CYFIP1: variants seen among roughly 807,000 people sequenced by gnomAD.
The protein encoded by CYFIP1 is cytoplasmic FMR1 interacting protein 1, also known as cytoplasmic FMR1-interacting protein 1.
A neutral mutation model predicts 163.5 loss-of-function variants in CYFIP1; 58 were observed. That is an observed-to-expected ratio of 0.35 (90% confidence interval 0.29 to 0.44). The LOEUF (loss-of-function observed/expected upper bound fraction) is 0.44. Ranked by LOEUF, CYFIP1 falls within the 20% of genes least tolerant of loss-of-function variation. CYFIP1 has a pLI of 1.00. For missense variants in CYFIP1, 1,338 were observed against 1,653.8 expected (o/e 0.81, Z 3.31); for synonymous variants, 663 against 660.7 (o/e 1.00, Z -0.05).
chr15:22,935,736 G>A (rs1356345545), intron 9 of CYFIP1, among the ~76,000 whole-genome samples: 1 of 152,126 alleles, frequency 6.6e-6, no homozygotes, highest in East Asian at 1.9e-4. Context: ...TAATAACAAT[G>A]CATTGAATGC....
chr15:22,970,350 T>C (rs2063050505), intron 1 of CYFIP1, among the ~76,000 whole-genome samples: 2 of 152,182 alleles, frequency 1.3e-5, no homozygotes, highest in African/African-American at 4.8e-5. Context: ...CATAATATTG[T>C]TAAGATGACA....
chr15:22,944,238 C>CAAAA (rs34662161), intron 5 of CYFIP1, among the ~76,000 whole-genome samples: 6 of 94,976 alleles, frequency 6.3e-5, no homozygotes, highest in African/African-American at 1.7e-4. Flanking sequence ...GACTCTGTCT[C>CAAAA]AAAAAAAAAA....
intron 17 of CYFIP1, 168 bp from the exon 18 acceptor site, chr15:22,912,443 C>G (rs2060819973): frequency 1.9e-6 from 1 of 533,466 alleles, no homozygotes; most frequent in Non-Finnish European, 3.2e-6. Flanking sequence ...GTGGCTGCGC[C>G]TGAGGCGGCC....
chr15:22,879,016 G>A (rs2059668821), intron 26 of CYFIP1, among the ~76,000 whole-genome samples: 1 of 151,852 alleles, frequency 6.6e-6, no homozygotes, highest in Non-Finnish European at 1.5e-5. Flanking sequence ...GGCGCCTGTA[G>A]TCCCAGCTAC....
chr15:22,933,720 G>C (rs961385573), intron 10 of CYFIP1, 82 bp downstream of exon 10: 2 of 1,004,592 alleles, frequency 2.0e-6, no homozygotes, highest in Non-Finnish European at 3.1e-6. Flanking sequence ...GTTATCTCTA[G>C]ACAAATAAGC....
At chr15:22,943,451 A>G in intron 5 of CYFIP1, 97 bp from the exon 6 acceptor site, 1 of 1,331,462 alleles carries the variant, frequency 7.5e-7, no homozygotes, top group South Asian at 1.4e-5. Context: ...CTCCTCGATG[A>G]GAAACGATCT....
intron 17 of CYFIP1, among the ~76,000 whole-genome samples, chr15:22,913,179 G>C (rs1239928863): frequency 6.6e-6 from 1 of 151,382 alleles, no homozygotes; most frequent in African/African-American, 2.4e-5. Flanking sequence ...CTGGGCAATA[G>C]AGCAAGACCT....
At chr15:22,876,732 G>C (rs2059595632) in intron 26 of CYFIP1, among the ~76,000 whole-genome samples, 1 of 152,012 alleles carries the variant, frequency 6.6e-6, no homozygotes, top group Non-Finnish European at 1.5e-5. Context: ...TCGGGAGACT[G>C]AGGCAGGAGA....
intron 11 of CYFIP1, among the ~76,000 whole-genome samples, chr15:22,929,036 T>A (rs986355664): frequency 6.6e-6 from 1 of 151,568 alleles, no homozygotes; most frequent in Non-Finnish European, 1.5e-5. Context: ...CTGGCCAACA[T>A]AGTGAAACCC....
intron 26 of CYFIP1, among the ~76,000 whole-genome samples, chr15:22,878,738 A>G (rs2059659141): frequency 6.6e-6 from 1 of 152,006 alleles, no homozygotes; most frequent in African/African-American, 2.4e-5. Context: ...AGAGCATTTT[A>G]TCAAAAATCA....
intron 1 of CYFIP1, among the ~76,000 whole-genome samples, chr15:22,951,125 C>A (rs1462807741): frequency 6.6e-6 from 1 of 152,082 alleles, no homozygotes; most frequent in Non-Finnish European, 1.5e-5. Flanking sequence ...AATTGCAGGC[C>A]AATCCCCAAT....
At position 22,973,702 on chromosome 15, in the gene CYFIP1, T is replaced by C. The variant is rs557152208; in HGVS notation, c.-7+6585A>G. Among the ~76,000 whole-genome samples the C allele has an allele frequency of 4.9e-4, 74 of 152,024 alleles. 1 individual carries two copies. The highest frequency in any genetic ancestry group is 1.8e-3 in the African/African-American group (73 of 41,452). On this transcript the variant is annotated intron_variant, in intron 1 of 30. Transcript: ENST00000617928. ...AAAGCAAAGGCCACAAAAGAAAAAA[T>C]AGACAAATGGGATTACATCAAACTA...
intron 1 of CYFIP1, among the ~76,000 whole-genome samples, chr15:22,957,285 G>A (rs572990951): frequency 3.9e-5 from 6 of 152,320 alleles, no homozygotes; most frequent in African/African-American, 1.4e-4. Flanking sequence ...GGCGGATCAC[G>A]AGGTCAGGAG....
At chr15:22,880,586 G>A (rs1313885870) in intron 25 of CYFIP1, among the ~76,000 whole-genome samples, 1 of 152,172 alleles carries the variant, frequency 6.6e-6, no homozygotes, top group African/African-American at 2.4e-5. Flanking sequence ...TGGGACAGAA[G>A]GCCAACGTTT....
rs116563280 is a variant in CYFIP1 at position 22,932,596 on chromosome 15, A to G, written c.993-256T>C. On this transcript the variant is annotated intron_variant, in intron 10 of 30. Coordinates refer to ENST00000617928, the MANE Select transcript of CYFIP1 (RefSeq NM_014608.6). Reference sequence around the variant, plus strand: ...GACTGAGATGCAACTTCGTTTGTCAAAATCATGGCTGAATGGTGACTGCAG... The same window carrying G: ...GACTGAGATGCAACTTCGTTTGTCAGAATCATGGCTGAATGGTGACTGCAG... 8.1e-4 allele frequency among the ~76,000 whole-genome samples: 123 copies of G among 152,300 alleles called. No homozygotes were observed. The Middle Eastern group carries it at 0.02, about 25-fold the overall frequency.
rs780344487 is a variant in CYFIP1 at position 22,903,655 on chromosome 15, T to C, written c.2588+51A>G. The C allele has an allele frequency of 1.1e-4, 179 of 1,589,556 alleles. 2 individuals carry two copies. Among genetic ancestry groups the C allele is most frequent in the South Asian group, 3.3e-5 (3 of 90,596 alleles). ...GACATGGAGGAAGCCTGCGGGGACA[T>C]GGGTCCCTGAGCGCCTCGCCTGTGG... On this transcript the variant is annotated intron_variant, in intron 22 of 30. Transcript: ENST00000617928.
intron 23 of CYFIP1, 74 bp from the exon 24 acceptor site, chr15:22,883,085 CA>C (rs1279468592): frequency 6.5e-7 from 1 of 1,533,764 alleles, no homozygotes; most frequent in Non-Finnish European, 8.9e-7. Flanking sequence ...GTGAGAAGAT[CA>C]CTCAACACAC....
In CYFIP1 at chr15:22,980,307, G is replaced by T. The variant is rs1418871279; in HGVS notation, c.-27C>A. 8 of 151,908 alleles carry T rather than the reference G, an allele frequency of 5.3e-5. No homozygotes were observed. Among genetic ancestry groups the T allele is most frequent in the Admixed American group, 2.0e-4 (3 of 15,260 alleles). The allele number at this position is 151,908 out of a possible 1,614,324, so 9.4% of individuals were successfully genotyped here. On this transcript the variant is annotated 5_prime_UTR_variant, in exon 1 of 31. Transcript: ENST00000617928. ...CTCACCTGCGTCCGCGGCGGCTTGG[G>T]GGTCCTGGGCGGGCCCTGGGAGTTT... is the stretch of plus-strand genomic sequence containing the variant.
At chr15:22,903,342 AATCAC>A (rs1391022617) in intron 22 of CYFIP1, among the ~76,000 whole-genome samples, 2 of 152,208 alleles carry the variant, frequency 1.3e-5, no homozygotes, top group East Asian at 1.9e-4. Flanking sequence ...TTTCACCACC[AATCAC>A]ATCACTTCAT....
Sources: allele counts gnomAD v4.1 joint callset (sites outside exome capture counted in the v4.1 genomes callset), GRCh38; gene constraint gnomAD v4.1.1; transcripts MANE v1.5; gene names NCBI Gene and HGNC (gene_info 2026-07-23, HGNC 2026-07-21).